VEPH1: variants seen among roughly 807,000 people sequenced by gnomAD.
VEPH1 encodes ventricular zone-expressed PH domain-containing protein homolog 1.
In VEPH1, 80 loss-of-function variants were observed where a neutral mutation model predicts 85.2. The ratio of observed to expected loss-of-function variants is 0.94; its 90% CI spans 0.78 to 1.13. The LOEUF (loss-of-function observed/expected upper bound fraction) is 1.13. Among genes scored for constraint, VEPH1 ranks in the 50% most tolerant of loss-of-function variants. The pLI is 0.00. For synonymous variants in VEPH1, 297 were observed against 348.0 expected, an observed-to-expected ratio of 0.85 and a Z score of 1.63; for missense variants, 955 against 980.5, an observed-to-expected ratio of 0.97 and a Z score of 0.35.
At position 157,261,086 on chromosome 3, in the gene VEPH1, T is replaced by A; in HGVS notation, c.*48A>T. ...CTCTTTTTCTTGACATTGGCAATGA[T>A]AATACAATGCCTGTGGTGTATAATT... On this transcript the variant is annotated 3_prime_UTR_variant, in exon 14 of 14. Transcript: ENST00000362010. The A allele has an allele frequency of 6.2e-7, 1 of 1,600,632 alleles. No individual in the cohort carries two copies. Among genetic ancestry groups the A allele is most frequent in the Non-Finnish European group, 8.5e-7 (1 of 1,171,904 alleles).
intron 6 of VEPH1, chr3:157,409,754 C>T: frequency 1.0e-6 from 1 of 985,372 alleles, no homozygotes; most frequent in Non-Finnish European, 1.2e-6. Context: ...GCAGTTCTTA[C>T]ACCTGGCTTT....
chr3:157,286,547 G>T lies in VEPH1; in HGVS notation c.2128+10C>A, dbSNP rs756914288. 19 of 1,602,782 alleles carry T rather than the reference G, an allele frequency of 1.2e-5. No homozygotes were observed. The highest frequency in any genetic ancestry group is 9.4e-5 in the African/African-American group (7 of 74,650). ...CAAATGGTTCTTAGCAGCAGGTAAGGGTCTCTCACCAGTTGCTTTCTCAGG... is the reference window on the plus strand; with the variant it reads ...CAAATGGTTCTTAGCAGCAGGTAAGTGTCTCTCACCAGTTGCTTTCTCAGG... On this transcript the variant is annotated intron_variant, in intron 12 of 13. Coordinates refer to ENST00000362010, the MANE Select transcript of VEPH1 (RefSeq NM_001167912.2).
At chr3:157,308,790 C>T (rs1189926075) in intron 11 of VEPH1, among the ~76,000 whole-genome samples, 1 of 152,000 alleles carries the variant, frequency 6.6e-6, no homozygotes, top group African/African-American at 2.4e-5. Flanking sequence ...TATTTCTCTC[C>T]ATTGCTCTGT....
rs59176910 is a variant in VEPH1, at chr3:157,272,240, T to TCTTCCTTC, written c.2129-6586_2129-6579dup. The stretch of plus-strand genomic sequence containing the variant: ...TTTCCTGGGTGTTTGTCTCTTTTCT[T>TCTTCCTTC]CTTCCTTCCTTCCTTCCTTCCTTCC... On this transcript the variant is annotated intron_variant, in intron 12 of 13. Transcript: ENST00000362010. 9.2e-3 allele frequency among the ~76,000 whole-genome samples: 1,258 copies of TCTTCCTTC among 137,218 alleles called. 10 individuals are homozygous for TCTTCCTTC. Among genetic ancestry groups the TCTTCCTTC allele is most frequent in the African/African-American group, 0.015 (528 of 36,170 alleles). 90.0% of individuals were successfully genotyped at this position (137,218 alleles called of 152,430 possible). A position where few individuals can be genotyped will look rare whatever the true frequency, so the allele number is the denominator to read the frequency against.
chr3:157,300,751 A>T (rs1718696279), intron 11 of VEPH1, among the ~76,000 whole-genome samples: 1 of 152,216 alleles, frequency 6.6e-6, no homozygotes, highest in Admixed American at 6.5e-5. Context: ...GTATTTACAA[A>T]ATCATATGCA....
chr3:157,419,974 A>G (rs1190076001), intron 5 of VEPH1, among the ~76,000 whole-genome samples: 2 of 152,228 alleles, frequency 1.3e-5, no homozygotes, highest in Non-Finnish European at 2.9e-5. Flanking sequence ...CATATATACC[A>G]TGGACTACTA....
chr3:157,412,547 T>C (rs1459056790), intron 6 of VEPH1, among the ~76,000 whole-genome samples: 1 of 152,148 alleles, frequency 6.6e-6, no homozygotes, highest in Non-Finnish European at 1.5e-5. Context: ...TAAACAGCTG[T>C]CAGGCAAAGT....
chr3:157,308,463 T>C (rs531506628), intron 11 of VEPH1, among the ~76,000 whole-genome samples: 2 of 152,170 alleles, frequency 1.3e-5, no homozygotes, highest in African/African-American at 4.8e-5. Context: ...AGTTGGTTTC[T>C]GGACTAGTCT....
At chr3:157,403,451 T>C (rs1270622019) in intron 6 of VEPH1, among the ~76,000 whole-genome samples, 1 of 152,128 alleles carries the variant, frequency 6.6e-6, no homozygotes, top group African/African-American at 2.4e-5. Flanking sequence ...GATCTTTTTT[T>C]TCTTTTATTT....
intron 12 of VEPH1, among the ~76,000 whole-genome samples, chr3:157,271,435 G>C (rs1227179469): frequency 6.6e-6 from 1 of 152,138 alleles, no homozygotes; most frequent in African/African-American, 2.4e-5. Context: ...CAGGGCGTAG[G>C]AAAAGCGCCA....
intron 11 of VEPH1, among the ~76,000 whole-genome samples, chr3:157,301,721 T>C (rs1192233535): frequency 1.3e-5 from 2 of 152,232 alleles, no homozygotes; most frequent in African/African-American, 4.8e-5. Context: ...TCTTGATATC[T>C]GTGATGCCCT....
chr3:157,259,940 G>T lies in VEPH1; in HGVS notation c.*1194C>A, dbSNP rs1187455422. The stretch of plus-strand genomic sequence containing the variant: ...TCACAAAACTTATTTCCTTGCAGCC[G>T]TAGAGCTCATGGCAGCTTGCTTATT... On this transcript the variant is annotated 3_prime_UTR_variant, in exon 14 of 14. Coordinates refer to ENST00000362010, the MANE Select transcript of VEPH1 (RefSeq NM_001167912.2). The T allele has an allele frequency of 6.6e-6, 1 of 152,142 alleles. No individual in the cohort carries two copies. The highest frequency in any genetic ancestry group is 1.9e-4 in the East Asian group (1 of 5,190). 9.4% of individuals were successfully genotyped at this position (152,142 alleles called of 1,614,324 possible).
intron 12 of VEPH1, among the ~76,000 whole-genome samples, chr3:157,282,276 G>A (rs78912148): frequency 0.041 from 6,300 of 151,834 alleles, 264 homozygotes; most frequent in South Asian, 0.19. Context: ...CATGATCATG[G>A]TACACCACAG....
At chr3:157,280,515 G>T (rs1366567039) in intron 12 of VEPH1, among the ~76,000 whole-genome samples, 3 of 152,132 alleles carry the variant, frequency 2.0e-5, no homozygotes, top group Non-Finnish European at 4.4e-5. Context: ...TCCCTGAGGG[G>T]TGTTAGGTTA....
intron 12 of VEPH1, among the ~76,000 whole-genome samples, chr3:157,272,946 A>G (rs1040307915): frequency 2.0e-5 from 3 of 152,208 alleles, no homozygotes; most frequent in Admixed American, 1.3e-4. Context: ...TACGCCTACA[A>G]CTTGCCAATT....
intron 2 of VEPH1, among the ~76,000 whole-genome samples, chr3:157,477,375 T>C (rs1289257855): frequency 6.6e-6 from 1 of 152,138 alleles, no homozygotes; most frequent in African/African-American, 2.4e-5. Context: ...CCCACCCACA[T>C]AATCCAAGAT....
chr3:157,408,304 A>T (rs887045276), intron 6 of VEPH1, among the ~76,000 whole-genome samples: 5 of 151,914 alleles, frequency 3.3e-5, no homozygotes, highest in Non-Finnish European at 7.4e-5. Context: ...CTCATCTTTC[A>T]CCTGCTAGAT....
At chr3:157,392,733 A>G (rs950195919) in intron 6 of VEPH1, among the ~76,000 whole-genome samples, 4 of 152,214 alleles carry the variant, frequency 2.6e-5, no homozygotes, top group African/African-American at 9.7e-5. Context: ...TGGATTGGAC[A>G]AGCTTGGTCT....
intron 4 of VEPH1, among the ~76,000 whole-genome samples, chr3:157,458,441 C>G (rs1035691670): frequency 6.6e-6 from 1 of 152,058 alleles, no homozygotes; most frequent in Admixed American, 6.6e-5. Flanking sequence ...ATCTTTCTAA[C>G]TTTTTGATTT....
Sources: gnomAD v4.1 joint callset for allele counts (sites outside exome capture counted in the v4.1 genomes callset) on GRCh38, gnomAD v4.1.1 for gene constraint, MANE v1.5 for transcripts, NCBI Gene and HGNC (gene_info 2026-07-23, HGNC 2026-07-21) for gene names.